PSMF1: variants seen among roughly 807,000 people sequenced by gnomAD.
PSMF1 encodes the protein proteasome inhibitor subunit 1.
Under a neutral mutation model 29.3 loss-of-function variants are expected in PSMF1, and 30 were observed. The ratio of observed to expected loss-of-function variants is 1.02; its 90% CI spans 0.77 to 1.39. The LOEUF is 1.39. PSMF1 is among the 40% of genes most tolerant of loss of function. The pLI is 0.00. For synonymous variants in PSMF1, 134 were observed against 139.7 expected (o/e 0.96, Z 0.29); for missense variants, 344 against 357.5 (o/e 0.96, Z 0.31).
At chr20:1,143,908 T>C (rs1170485245) in intron 4 of PSMF1, among the ~76,000 whole-genome samples, 1 of 152,110 alleles carries the variant, frequency 6.6e-6, no homozygotes, top group African/African-American at 2.4e-5. Context: ...CTGGCCAACA[T>C]GGTGAAACCG....
intron 4 of PSMF1, among the ~76,000 whole-genome samples, chr20:1,150,336 A>AGGGAGG (rs1365430136): frequency 6.6e-6 from 1 of 152,152 alleles, no homozygotes; most frequent in Admixed American, 6.5e-5. Flanking sequence ...GTGAGTGGTA[A>AGGGAGG]GGGAGGGTGC....
intron 4 of PSMF1, among the ~76,000 whole-genome samples, chr20:1,144,965 A>C (rs1340916208): frequency 6.6e-6 from 1 of 152,002 alleles, no homozygotes; most frequent in African/African-American, 2.4e-5. Flanking sequence ...GGCTCACTGC[A>C]GCCTCCGCCT....
At chr20:1,123,035 T>A (rs1370266559) in intron 1 of PSMF1, among the ~76,000 whole-genome samples, 2 of 152,210 alleles carry the variant, frequency 1.3e-5, no homozygotes, top group Non-Finnish European at 2.9e-5. Context: ...ATTCGGGAAA[T>A]TTACCCAGTT....
chr20:1,149,237 A>G (rs6077914), intron 4 of PSMF1, among the ~76,000 whole-genome samples: 23,571 of 152,252 alleles, frequency 0.15, 2,007 homozygotes, highest in Non-Finnish European at 0.18. Context: ...TGTTAAACCA[A>G]CTTGACGAGT....
At position 1,164,661 on chromosome 20, in the gene PSMF1, A is replaced by G. The variant is rs1324684906; in HGVS notation, c.764+185A>G. Reference sequence around the variant, plus strand: ...CCCTGGAGCCTTCTAGGAGCTTCCTATCCCTCAGTGCCTCTCTTTCCCCAG... The same window carrying G: ...CCCTGGAGCCTTCTAGGAGCTTCCTGTCCCTCAGTGCCTCTCTTTCCCCAG... On this transcript the variant is annotated intron_variant, in intron 6 of 6. Coordinates refer to ENST00000335877, the MANE Select transcript of PSMF1 (RefSeq NM_006814.5). This position sits in a 1 kb window ranked among gnomAD's most constrained non-coding sequence, Gnocchi z 4.1. Among the ~76,000 whole-genome samples the G allele has an allele frequency of 6.6e-6, 1 of 152,098 alleles. No homozygotes were observed. Among genetic ancestry groups the G allele is most frequent in the Non-Finnish European group, 1.5e-5 (1 of 68,006 alleles).
chr20:1,136,279 A>G (rs1218513165), intron 4 of PSMF1, among the ~76,000 whole-genome samples: 3 of 152,198 alleles, frequency 2.0e-5, no homozygotes, highest in African/African-American at 7.2e-5. Context: ...TTCGCCAGCC[A>G]CTAATAAAGA....
At chr20:1,141,040 C>T (rs1332681839) in intron 4 of PSMF1, among the ~76,000 whole-genome samples, 1 of 152,098 alleles carries the variant, frequency 6.6e-6, no homozygotes, top group African/African-American at 2.4e-5. Context: ...GTGGATGAAC[C>T]TTTAAAACAT....
Position 1,159,065 on chromosome 20 carries a change from A to G in PSMF1, c.552-4065A>G, listed in dbSNP as rs953304643. Among the ~76,000 whole-genome samples, 1,347 of 135,722 alleles carry G rather than the reference A, an allele frequency of 9.9e-3. 24 individuals carry two copies. Among genetic ancestry groups the G allele is most frequent in the African/African-American group, 0.035 (1,281 of 36,648 alleles). 89.0% of individuals were successfully genotyped at this position (135,722 alleles called of 152,430 possible). On this transcript the variant is annotated intron_variant, in intron 4 of 6. Coordinates refer to ENST00000335877, the MANE Select transcript of PSMF1 (RefSeq NM_006814.5). ...AGTGAGACTCCGTCTCACAAAAAAA[A>G]AAAAAAGAAGAAGTAAATGGGTTCT...
chr20:1,150,476 A>G (rs6040155), intron 4 of PSMF1, among the ~76,000 whole-genome samples: 36,007 of 152,034 alleles, frequency 0.24, 5,029 homozygotes, highest in East Asian at 0.53. Flanking sequence ...TCTGAGATAG[A>G]ATAGTTTTGA....
upstream of PSMF1, among the ~76,000 whole-genome samples, chr20:1,116,826 G>C (rs889060744): frequency 1.3e-5 from 2 of 152,120 alleles, no homozygotes; most frequent in Admixed American, 6.5e-5. Context: ...GGTTATTTTG[G>C]ATGGAATGGT....
chr20:1,164,056 A>G lies in PSMF1; in HGVS notation c.606-262A>G, dbSNP rs1441701996. 6.6e-6 allele frequency among the ~76,000 whole-genome samples: 1 copy of G among 152,118 alleles called. No homozygotes were observed. Among genetic ancestry groups the G allele is most frequent in the Non-Finnish European group, 1.5e-5 (1 of 68,010 alleles). ...TATGGCAGGGATCTCAATTTTGAGG[A>G]GCCCTACAGAACCAAAAGCACTGTG... is the stretch of plus-strand genomic sequence containing the variant. On this transcript the variant is annotated intron_variant, in intron 5 of 6. Coordinates refer to ENST00000335877, the MANE Select transcript of PSMF1 (RefSeq NM_006814.5). This position sits in a 1 kb window ranked among gnomAD's most constrained non-coding sequence, Gnocchi z 4.1.
intron 4 of PSMF1, among the ~76,000 whole-genome samples, chr20:1,151,472 C>T (rs574403263): frequency 1.3e-5 from 2 of 152,316 alleles, no homozygotes; most frequent in South Asian, 2.1e-4. Flanking sequence ...GTATTTTACA[C>T]AAGAGAAAGC....
At chr20:1,160,146 T>G (rs1188396239) in intron 4 of PSMF1, among the ~76,000 whole-genome samples, 1 of 152,126 alleles carries the variant, frequency 6.6e-6, no homozygotes, top group Non-Finnish European at 1.5e-5. Flanking sequence ...TGTCACTGTT[T>G]ACGCTCTCGG....
At position 1,133,555 on chromosome 20, in the gene PSMF1, G is replaced by GTATATATATATATATATATATA. The variant is rs1311800612; in HGVS notation, c.366-1551_366-1550insATATATATATATATATATATAT. Among the ~76,000 whole-genome samples the GTATATATATATATATATATATA allele has an allele frequency of 1.3e-3, 69 of 53,936 alleles. 5 individuals carry two copies. Among genetic ancestry groups the GTATATATATATATATATATATA allele is most frequent in the South Asian group, 4.7e-3 (8 of 1,704 alleles). 35.4% of individuals were successfully genotyped at this position (53,936 alleles called of 152,430 possible). A position where few individuals can be genotyped will look rare whatever the true frequency, so the allele number is the denominator to read the frequency against. On this transcript the variant is annotated intron_variant, in intron 3 of 6. Transcript: ENST00000335877. ...ATAGGATATACTAGTCTATATATGT[G>GTATATATATATATATATATATA]TATATATATATATATTTTTTTTTTT...
At chr20:1,123,542 C>A (rs1215224341) in intron 1 of PSMF1, among the ~76,000 whole-genome samples, 1 of 151,934 alleles carries the variant, frequency 6.6e-6, no homozygotes, top group Non-Finnish European at 1.5e-5. Flanking sequence ...CATATTTTTT[C>A]TTTTATATAT....
intron 2 of PSMF1, among the ~76,000 whole-genome samples, chr20:1,126,569 G>T (rs1246736777): frequency 1.3e-5 from 2 of 152,086 alleles, no homozygotes; most frequent in African/African-American, 4.8e-5. Flanking sequence ...TAAGCAAAAA[G>T]GGTTTATTAA....
intron 4 of PSMF1, among the ~76,000 whole-genome samples, chr20:1,156,530 T>C (rs2086596604): frequency 6.6e-6 from 1 of 152,106 alleles, no homozygotes; most frequent in South Asian, 2.1e-4. Context: ...AACTCATTGC[T>C]TAAAAAGAAA....
chr20:1,164,397 CCGAACCGA>C lies in PSMF1; in HGVS notation c.687_694del (p.Asn230SerfsTer12), dbSNP rs778278065. The C allele has an allele frequency of 6.2e-7, 1 of 1,614,068 alleles. No individual in the cohort carries two copies. The highest frequency in any genetic ancestry group is 1.3e-5 in the African/African-American group (1 of 74,912). On this transcript the variant is annotated frameshift_variant, in exon 6 of 7. Transcript: ENST00000335877. LOFTEE classifies it high-confidence loss of function. The surrounding 1 kb of genome is among the most constrained non-coding windows in gnomAD (Gnocchi z 4.1). ...ACTTATTGACCCTTCCTCAGGCCTCCCGAACCGACTTCCTCCAGGCGCTGTGCCCCCAG... is the reference window on the plus strand; with the variant it reads ...ACTTATTGACCCTTCCTCAGGCCTCCCTTCCTCCAGGCGCTGTGCCCCCAG...
chr20:1,151,502 A>G (rs1202106743), intron 4 of PSMF1, among the ~76,000 whole-genome samples: 3 of 152,214 alleles, frequency 2.0e-5, no homozygotes, highest in Admixed American at 1.3e-4. Context: ...GAGATTTTCT[A>G]ACTTGCCCTG....
Sources: gnomAD v4.1 joint callset for allele counts (sites outside exome capture counted in the v4.1 genomes callset) on GRCh38, gnomAD v4.1.1 for gene constraint, Gnocchi (gnomAD v3.1) non-coding constraint, MANE v1.5 for transcripts, NCBI Gene and HGNC (gene_info 2026-07-23, HGNC 2026-07-21) for gene names.